COL4A3: variants seen among roughly 807,000 people sequenced by gnomAD.
COL4A3 encodes the protein collagen alpha-3(IV) chain.
COL4A3 carries 135 observed loss-of-function variants against 217.4 expected under a neutral mutation model. The ratio of observed to expected loss-of-function variants is 0.62; its 90% CI spans 0.54 to 0.72. The LOEUF is 0.72. Among genes scored for constraint, COL4A3 ranks in the 30% least tolerant of loss-of-function variants. The probability of loss-of-function intolerance (pLI) is 0.00; values close to 1 mark genes in which losing one functional copy is unlikely to be tolerated. For missense variants in COL4A3, 1,868 were observed against 2,119.9 expected (o/e 0.88, Z 2.33); for synonymous variants, 690 against 736.3 (o/e 0.94, Z 1.02).
intron 1 of COL4A3, among the ~76,000 whole-genome samples, chr2:227,168,302 C>T (rs1411805377): frequency 1.3e-5 from 2 of 152,168 alleles, no homozygotes; most frequent in African/African-American, 4.8e-5. Flanking sequence ...AACAATGTAC[C>T]AGAGTGCCTG....
Position 227,267,008 on chromosome 2 carries a change from T to C in COL4A3, c.1424T>C (p.Leu475Pro), listed in dbSNP as rs754249385. The C allele has an allele frequency of 6.2e-7, 1 of 1,613,904 alleles. No individual in the cohort carries two copies. Among genetic ancestry groups the C allele is most frequent in the Admixed American group, 1.7e-5 (1 of 60,028 alleles). ...VDGPKGEPGL[L>P]CTQCPYIPGP... Reference sequence around the variant, plus strand: ...CTCATTGCAGGAGAACCAGGCCTCCTGTGTACACAGTGCCCTTATATCCCA... The same window carrying C: ...CTCATTGCAGGAGAACCAGGCCTCCCGTGTACACAGTGCCCTTATATCCCA... The change falls in exon 23 of 52, where the codon CTG (leucine) becomes CCG (proline). Residue 475 changes from leucine to proline, a missense_variant. Around this residue, in one of 2 missense-constraint regions of COL4A3, gnomAD observed 1,503 missense variants for 1,786.1 expected, o/e 0.84. Coordinates refer to ENST00000396578, the MANE Select transcript of COL4A3 (RefSeq NM_000091.5).
intron 3 of COL4A3, among the ~76,000 whole-genome samples, chr2:227,241,447 G>A (rs536567815): frequency 6.5e-4 from 99 of 152,296 alleles, no homozygotes; most frequent in African/African-American, 2.1e-3. Context: ...GCTGAGGCAG[G>A]AGGATCACTT....
At position 227,197,822 on chromosome 2, in the gene COL4A3, G is replaced by T. The variant is rs114583379; in HGVS notation, c.87+33009G>T. Among the ~76,000 whole-genome samples, 776 of 152,294 alleles carry T rather than the reference G, an allele frequency of 5.1e-3. 4 individuals carry two copies. Among genetic ancestry groups the T allele is most frequent in the African/African-American group, 0.018 (737 of 41,548 alleles). On this transcript the variant is annotated intron_variant, in intron 1 of 51. Coordinates refer to ENST00000396578, the MANE Select transcript of COL4A3 (RefSeq NM_000091.5). ...GAGGGTTCCCCCACACCTCCATGAG[G>T]TAGGTTACAACAATTATCTCATTTC... is the stretch of plus-strand genomic sequence containing the variant.
At chr2:227,229,310 T>C (rs1466562766) in intron 1 of COL4A3, among the ~76,000 whole-genome samples, 2 of 152,230 alleles carry the variant, frequency 1.3e-5, no homozygotes, top group Non-Finnish European at 2.9e-5. Flanking sequence ...AACCAATATT[T>C]TGTTAAATAA....
chr2:227,298,750 G>A lies in COL4A3; in HGVS notation c.3820G>A (p.Gly1274Ser), dbSNP rs1559914789. The change falls in exon 43 of 52, where the codon GGC (glycine) becomes AGC (serine). Residue 1274 changes from glycine to serine, a missense_variant. Physicochemically the swap from Gly to Ser is moderately conservative, Grantham distance 56. Around this residue, in one of 2 missense-constraint regions of COL4A3, gnomAD observed 1,503 missense variants for 1,786.1 expected, o/e 0.84. Transcript: ENST00000396578. ...IGIKGDKGSMGHPGPKGPPGT... is the reference protein window; with the variant it reads ...IGIKGDKGSMSHPGPKGPPGT... ...CATAAAAGGAGACAAAGGGTCTATG[G>A]GCCACCCTGGCCCAAAAGGTCCACC... 6.2e-7 allele frequency: 1 copy of A among 1,613,932 alleles called. No individual in the cohort carries two copies. Among genetic ancestry groups the A allele is most frequent in the Non-Finnish European group, 8.5e-7 (1 of 1,180,010 alleles).
At chr2:227,241,099 C>T (rs988465329) in intron 3 of COL4A3, among the ~76,000 whole-genome samples, 11 of 152,216 alleles carry the variant, frequency 7.2e-5, no homozygotes, top group East Asian at 3.9e-4. Flanking sequence ...TGACCCTTCA[C>T]ACTCATCACA....
At position 227,253,580 on chromosome 2, in the gene COL4A3, G is replaced by A; in HGVS notation, c.707G>A (p.Gly236Glu). ...KGERGVKGLT[G>E]PPGPPGTVIV... ...CTTTAGGGTGTGAAAGGGTTAACAG[G>A]ACCCCCGGGACCACCAGGAACAGTT... The change falls in exon 13 of 52, where the codon GGA (glycine) becomes GAA (glutamate). Residue 236 changes from glycine to glutamate, a missense_variant. Transcript: ENST00000396578. The surrounding 1 kb of genome is among the most constrained non-coding windows in gnomAD (Gnocchi z 4.4). The A allele has an allele frequency of 6.2e-7, 1 of 1,613,974 alleles. No homozygotes were observed. Among genetic ancestry groups the A allele is most frequent in the South Asian group, 1.1e-5 (1 of 91,068 alleles).
In COL4A3 at chr2:227,191,581, A is replaced by G. The variant is rs1228546581; in HGVS notation, c.87+26768A>G. On this transcript the variant is annotated intron_variant, in intron 1 of 51. Transcript: ENST00000396578. This position sits in a 1 kb window ranked among gnomAD's most constrained non-coding sequence, Gnocchi z 6.8. ...GGGGCTGCAATGGGAGATTACAGTGACTCAGCAAATCAGGATGATCAGATT... is the reference window on the plus strand; with the variant it reads ...GGGGCTGCAATGGGAGATTACAGTGGCTCAGCAAATCAGGATGATCAGATT... Among the ~76,000 whole-genome samples the G allele has an allele frequency of 6.6e-6, 1 of 152,164 alleles. No homozygotes were observed. The highest frequency in any genetic ancestry group is 1.5e-5 in the Non-Finnish European group (1 of 68,012).
intron 1 of COL4A3, among the ~76,000 whole-genome samples, chr2:227,210,954 T>G (rs926594517): frequency 6.6e-6 from 1 of 152,164 alleles, no homozygotes; most frequent in African/African-American, 2.4e-5. Flanking sequence ...GTGTTCGTTT[T>G]CATCTTCCAT....
intron 20 of COL4A3, among the ~76,000 whole-genome samples, chr2:227,261,435 C>A (rs1574722000): frequency 6.6e-6 from 1 of 152,160 alleles, no homozygotes; most frequent in Non-Finnish European, 1.5e-5. Flanking sequence ...GCTGAGGCAG[C>A]AGAATCACTT....
Position 227,304,155 on chromosome 2 carries a change from G to A in COL4A3, c.4153+11G>A. On this transcript the variant is annotated intron_variant, in intron 46 of 51. Coordinates refer to ENST00000396578, the MANE Select transcript of COL4A3 (RefSeq NM_000091.5). ...CACCTGGAAACCTAGGTGTGGGACTGGCAGCATTGACTTGGATCACTAGGA... is the reference window on the plus strand; with the variant it reads ...CACCTGGAAACCTAGGTGTGGGACTAGCAGCATTGACTTGGATCACTAGGA... 1 of 1,613,712 alleles carries A rather than the reference G, an allele frequency of 6.2e-7. No individual in the cohort carries two copies. The highest frequency in any genetic ancestry group is 8.5e-7 in the Non-Finnish European group (1 of 1,179,908).
At chr2:227,204,111 T>C (rs576016988) in intron 1 of COL4A3, among the ~76,000 whole-genome samples, 7 of 152,290 alleles carry the variant, frequency 4.6e-5, no homozygotes, top group African/African-American at 1.7e-4. Context: ...TAATTCGTAG[T>C]AGACCTAAAT....
Position 227,289,214 on chromosome 2 carries a change from C to T in COL4A3, c.2946C>T (p.Gly982=). Residue 982 remains glycine (G), a synonymous_variant, in exon 35 of 52, where the codon GGC becomes GGT. Coordinates refer to ENST00000396578, the MANE Select transcript of COL4A3 (RefSeq NM_000091.5). ...RGVPGMPGLK[G]LKGLPGPAGP... ...TTCCAGGGATGCCAGGTTTAAAGGG[C>T]CTCAAAGGACTACCCGGACCAGCAG... 6.2e-7 allele frequency: 1 copy of T among 1,613,708 alleles called. No homozygotes were observed. Among genetic ancestry groups the T allele is most frequent in the Non-Finnish European group, 8.5e-7 (1 of 1,179,874 alleles).
Position 227,284,319 on chromosome 2 carries a change from G to C in COL4A3, c.2855G>C (p.Gly952Ala). 6.2e-7 allele frequency: 1 copy of C among 1,613,940 alleles called. No individual in the cohort carries two copies. Among genetic ancestry groups the C allele is most frequent in the East Asian group, 2.2e-5 (1 of 44,868 alleles). ...CCTTCAGAGATATCCCACGTAATAG[G>C]GGACAAAGGAGAACCAGGTCTCAAA... ...PGPSEISHVIGDKGEPGLKGF... is the reference protein window; with the variant it reads ...PGPSEISHVIADKGEPGLKGF... Residue 952 changes from glycine (G) to alanine (A), a missense_variant, in exon 34 of 52, where the codon GGG becomes GCG. By Grantham distance (60) the Gly-to-Ala change is moderately conservative (BLOSUM62 0). Around this residue, in one of 2 missense-constraint regions of COL4A3, gnomAD observed 1,503 missense variants for 1,786.1 expected, o/e 0.84. Coordinates refer to ENST00000396578, the MANE Select transcript of COL4A3 (RefSeq NM_000091.5).
intron 1 of COL4A3, among the ~76,000 whole-genome samples, chr2:227,207,084 A>G (rs985031175): frequency 4.6e-4 from 70 of 152,290 alleles, no homozygotes; most frequent in African/African-American, 1.7e-3. Flanking sequence ...TGGGCTAGGA[A>G]GAGCAGGTCT....
intron 1 of COL4A3, among the ~76,000 whole-genome samples, chr2:227,227,536 A>AAAG (rs951908331): frequency 6.6e-6 from 1 of 152,102 alleles, no homozygotes; most frequent in African/African-American, 2.4e-5. Flanking sequence ...TCAAAAAAAA[A>AAAG]AAGAAGAAGA....
chr2:227,310,526 G>A lies in COL4A3; in HGVS notation c.4756-250G>A, dbSNP rs141809524. Among the ~76,000 whole-genome samples the A allele has an allele frequency of 4.6e-3, 702 of 152,282 alleles. 7 individuals carry two copies. Among genetic ancestry groups the A allele is most frequent in the African/African-American group, 0.016 (683 of 41,556 alleles). On this transcript the variant is annotated intron_variant, in intron 50 of 51. Transcript: ENST00000396578. Reference sequence around the variant, plus strand: ...AGACATGATTTCACTATGTTGGCCAGGCTGGCCTCAAACTCCTGACCTCAA... The same window carrying A: ...AGACATGATTTCACTATGTTGGCCAAGCTGGCCTCAAACTCCTGACCTCAA...
At chr2:227,290,925 A>T (rs749451979) in intron 37 of COL4A3, 39 bp downstream of exon 37, 1 of 1,590,386 alleles carries the variant, frequency 6.3e-7, no homozygotes, top group South Asian at 1.1e-5. Context: ...TTAGTGGTGG[A>T]GTGAGTGCCT....
chr2:227,299,933 G>A (rs1339691804), intron 43 of COL4A3, among the ~76,000 whole-genome samples: 2 of 152,172 alleles, frequency 1.3e-5, no homozygotes, highest in East Asian at 3.9e-4. Flanking sequence ...ACAGGCTTCT[G>A]AAGATTTCTG....
Sources: gnomAD v4.1 joint callset for allele counts (sites outside exome capture counted in the v4.1 genomes callset) on GRCh38, gnomAD v4.1.1 for gene constraint, gnomAD v4.1.1 regional missense constraint, Gnocchi (gnomAD v3.1) non-coding constraint, MANE v1.5 for transcripts, NCBI Gene and HGNC (gene_info 2026-07-23, HGNC 2026-07-21) for gene names.